PTPRK: variants seen among roughly 807,000 people sequenced by gnomAD.
PTPRK encodes receptor-type tyrosine-protein phosphatase kappa.
In PTPRK, 75 loss-of-function variants were observed where a neutral mutation model predicts 178.0. The observed-to-expected ratio is 0.42, with a 90% CI of 0.35 to 0.51. The LOEUF is 0.51. Ranked by LOEUF, PTPRK falls within the 20% of genes least tolerant of loss-of-function variation. The probability of loss-of-function intolerance (pLI) is 0.02; values close to 1 mark genes in which losing one functional copy is unlikely to be tolerated. For missense variants in PTPRK, 1,441 were observed against 1,797.8 expected (o/e 0.80, Z 3.59); for synonymous variants, 637 against 620.6 (o/e 1.03, Z -0.39).
chr6:128,050,686 T>C (rs556986044), intron 13 of PTPRK, among the ~76,000 whole-genome samples: 1 of 152,350 alleles, frequency 6.6e-6, no homozygotes, highest in South Asian at 2.1e-4. Flanking sequence ...AAACAAACTA[T>C]TACACTAAGC....
chr6:127,983,560 C>T (rs1775607481), intron 22 of PTPRK, among the ~76,000 whole-genome samples, 183 bp from the exon 23 acceptor site: 1 of 152,248 alleles, frequency 6.6e-6, no homozygotes, highest in African/African-American at 2.4e-5. Flanking sequence ...AGAGTATCTG[C>T]TTTGGTATAA....
chr6:128,053,326 C>T (rs183164333), intron 13 of PTPRK, among the ~76,000 whole-genome samples: 32 of 152,134 alleles, frequency 2.1e-4, no homozygotes, highest in East Asian at 3.9e-4. Context: ...CTCAGGCAAC[C>T]GGCACATGAT....
At chr6:128,291,175 T>A (rs770588928) in intron 3 of PTPRK, among the ~76,000 whole-genome samples, 1 of 151,948 alleles carries the variant, frequency 6.6e-6, no homozygotes, top group South Asian at 2.1e-4. Flanking sequence ...TCCGAAGCAA[T>A]GTAGCTACAG....
intron 3 of PTPRK, among the ~76,000 whole-genome samples, chr6:128,302,654 A>T (rs1825819974): frequency 6.6e-6 from 1 of 150,822 alleles, no homozygotes; most frequent in South Asian, 2.1e-4. Flanking sequence ...TGTGGTTTGT[A>T]CTTAACTCGT....
At chr6:128,045,151 AC>A (rs1250455909) in intron 13 of PTPRK, among the ~76,000 whole-genome samples, 3 of 151,910 alleles carry the variant, frequency 2.0e-5, no homozygotes, top group Admixed American at 6.6e-5. Context: ...GTTCTTGAAA[AC>A]TTCCTATCTC....
chr6:128,038,641 A>T (rs2114826215), intron 13 of PTPRK, among the ~76,000 whole-genome samples: 1 of 152,324 alleles, frequency 6.6e-6, no homozygotes, highest in African/African-American at 2.4e-5. Flanking sequence ...ATGCGACAGG[A>T]CCACTATGCA....
intron 7 of PTPRK, among the ~76,000 whole-genome samples, chr6:128,099,297 C>T (rs1788416175): frequency 6.6e-6 from 1 of 151,454 alleles, no homozygotes; most frequent in Non-Finnish European, 1.5e-5. Context: ...TTTATATCTC[C>T]CCTTGAATTG....
In PTPRK at chr6:128,193,280, G is replaced by GAAAAAA. The variant is rs778872277; in HGVS notation, c.869-8561_869-8556dup. Among the ~76,000 whole-genome samples the GAAAAAA allele has an allele frequency of 4.8e-4, 28 of 57,742 alleles. 4 individuals carry two copies. The highest frequency in any genetic ancestry group is 1.6e-3 in the African/African-American group (26 of 16,410). The allele number at this position is 57,742 out of a possible 152,430, so 37.9% of individuals were successfully genotyped here. ...GAATCAAATGATTTATCCAGCTTGT[G>GAAAAAA]AAAAAAAAAAAAAAAAAAAAAAAAG... On this transcript the variant is annotated intron_variant, in intron 6 of 29. Transcript: ENST00000368226.
At chr6:128,230,834 T>A (rs1342443559) in intron 5 of PTPRK, 1 of 152,160 alleles carries the variant, frequency 6.6e-6, no homozygotes, top group Non-Finnish European at 1.5e-5. Context: ...AAGCAATCCT[T>A]GAACTTCCAT....
intron 2 of PTPRK, among the ~76,000 whole-genome samples, chr6:128,388,049 G>A (rs1040802096): frequency 1.3e-5 from 2 of 152,024 alleles, no homozygotes; most frequent in African/African-American, 4.8e-5. Flanking sequence ...GTGGCCCACA[G>A]GTTAGACAAG....
Position 128,520,365 on chromosome 6 carries a change from T to A in PTPRK, c.-7A>T. 1.2e-6 allele frequency: 2 copies of A among 1,600,434 alleles called. No homozygotes were observed. The highest frequency in any genetic ancestry group is 1.7e-6 in the Non-Finnish European group (2 of 1,173,320). On this transcript the variant is annotated 5_prime_UTR_variant, in exon 1 of 30. Transcript: ENST00000368226. ...CCGCCGCAGTCGTATCCATGCCGAG[T>A]TTGGGAGAAGTTTCAAGCAGCTTTG...
intron 1 of PTPRK, among the ~76,000 whole-genome samples, chr6:128,456,882 A>C (rs2128409673): frequency 1.3e-5 from 2 of 152,244 alleles, no homozygotes; most frequent in South Asian, 4.1e-4. Context: ...TCCTCTTTAA[A>C]GGTAAGTCTA....
intron 13 of PTPRK, among the ~76,000 whole-genome samples, chr6:128,015,922 C>G (rs955725566): frequency 1.3e-5 from 2 of 151,806 alleles, no homozygotes; most frequent in African/African-American, 4.8e-5. Flanking sequence ...TATCAGCCTT[C>G]TTGATTTTTG....
At chr6:127,995,379 GCAAT>G in intron 18 of PTPRK, 79 bp downstream of exon 18, 1 of 1,499,850 alleles carries the variant, frequency 6.7e-7, no homozygotes, top group South Asian at 1.1e-5. Context: ...TAAAAAGCTA[GCAAT>G]CACTTTATAG....
Position 127,990,055 on chromosome 6 carries a change from G to T in PTPRK, c.3096+714C>A, listed in dbSNP as rs558816431. 1.1e-3 allele frequency among the ~76,000 whole-genome samples: 170 copies of T among 152,154 alleles called. 1 individual carries two copies. The highest frequency in any genetic ancestry group is 3.8e-4 in the Non-Finnish European group (26 of 67,980). On this transcript the variant is annotated intron_variant, in intron 21 of 29. Coordinates refer to ENST00000368226, the MANE Select transcript of PTPRK (RefSeq NM_002844.4). Reference sequence around the variant, plus strand: ...TTCTTTGCAATGTAACACTTGGAGTGATCCTTTTAGAAATAAAATTCAGAC... The same window carrying T: ...TTCTTTGCAATGTAACACTTGGAGTTATCCTTTTAGAAATAAAATTCAGAC...
At chr6:127,984,942 A>G (rs1775771106) in intron 22 of PTPRK, among the ~76,000 whole-genome samples, 2 of 152,140 alleles carry the variant, frequency 1.3e-5, no homozygotes, top group East Asian at 1.9e-4. Flanking sequence ...TCTTTTATAC[A>G]TGGTTATTTA....
At chr6:128,313,263 G>T (rs1013880064) in intron 3 of PTPRK, among the ~76,000 whole-genome samples, 4 of 152,068 alleles carry the variant, frequency 2.6e-5, no homozygotes, top group Non-Finnish European at 5.9e-5. Flanking sequence ...CTATTGTGAG[G>T]ATGATTTTTT....
intron 2 of PTPRK, among the ~76,000 whole-genome samples, chr6:128,326,436 CAG>C (rs1415356857): frequency 2.0e-5 from 3 of 152,034 alleles, no homozygotes; most frequent in South Asian, 2.1e-4. Context: ...CTATTTAAAA[CAG>C]AGAAAAATTA....
Position 127,992,670 on chromosome 6 carries a change from T to A in PTPRK, c.2881+3A>T. 2 of 1,590,056 alleles carry A rather than the reference T, an allele frequency of 1.3e-6. No homozygotes were observed. Among genetic ancestry groups the A allele is most frequent in the Non-Finnish European group, 1.7e-6 (2 of 1,170,020 alleles). On this transcript the variant is annotated splice_donor_region_variant and intron_variant, in intron 19 of 29. Coordinates refer to ENST00000368226, the MANE Select transcript of PTPRK (RefSeq NM_002844.4). ...TATAACATTTAACAAGGCAAAGTTT[T>A]ACCTTGGGTTGCAATGTAATGACTT...
Sources: gnomAD v4.1 joint callset for allele counts (sites outside exome capture counted in the v4.1 genomes callset) on GRCh38, gnomAD v4.1.1 for gene constraint, MANE v1.5 for transcripts, NCBI Gene and HGNC (gene_info 2026-07-23, HGNC 2026-07-21) for gene names.